The following RBFOX1 variants were observed in gnomAD, a reference collection of about 807,000 sequenced individuals.
The protein encoded by RBFOX1 is RNA binding fox-1 homolog 1.
RBFOX1 carries 8 observed loss-of-function variants against 57.7 expected under a neutral mutation model. That is an observed-to-expected ratio of 0.14 (90% CI 0.08 to 0.25). The LOEUF (loss-of-function observed/expected upper bound fraction) is 0.25. Among genes scored for constraint, RBFOX1 ranks in the 10% least tolerant of loss-of-function variants. The pLI is 1.00. For synonymous variants in RBFOX1, 326 were observed against 222.4 expected (o/e 1.47, Z -4.15); for missense variants, 611 against 548.5 (o/e 1.11, Z -1.14).
At chr16:5,423,824 C>T (rs1217383573) in intron 1 of RBFOX1, among the ~76,000 whole-genome samples, 1 of 152,162 alleles carries the variant, frequency 6.6e-6, no homozygotes, top group Non-Finnish European at 1.5e-5. Flanking sequence ...ATAAAGGGCT[C>T]TTGTTGTCTT....
At chr16:7,668,045 A>G (rs2069995205) in intron 13 of RBFOX1, among the ~76,000 whole-genome samples, 1 of 152,138 alleles carries the variant, frequency 6.6e-6, no homozygotes, top group South Asian at 2.1e-4. Flanking sequence ...AAGACAAAGG[A>G]GGATACTGTC....
At chr16:6,299,088 T>C (rs948575957) in intron 1 of RBFOX1, among the ~76,000 whole-genome samples, 9 of 152,176 alleles carry the variant, frequency 5.9e-5, no homozygotes, top group African/African-American at 2.2e-4. Flanking sequence ...CCCACAGTCT[T>C]GTTTGCAAGG....
chr16:6,133,058 G>C (rs1010633036), intron 1 of RBFOX1, among the ~76,000 whole-genome samples: 3 of 149,232 alleles, frequency 2.0e-5, no homozygotes, highest in Admixed American at 6.6e-5. Flanking sequence ...TTTTCTGAGA[G>C]ACTGCCTCAA....
chr16:7,143,531 C>T (rs2074283038), intron 4 of RBFOX1, among the ~76,000 whole-genome samples: 1 of 152,034 alleles, frequency 6.6e-6, no homozygotes, highest in South Asian at 2.1e-4. Flanking sequence ...AGCAGAAGCA[C>T]CAATAAAAAT....
At chr16:6,479,453 T>A (rs1301895895) in intron 2 of RBFOX1, among the ~76,000 whole-genome samples, 2 of 151,728 alleles carry the variant, frequency 1.3e-5, no homozygotes, top group Non-Finnish European at 1.5e-5. Context: ...CCCGGCATGG[T>A]GGCACACACC....
intron 2 of RBFOX1, among the ~76,000 whole-genome samples, chr16:6,455,373 CCTG>C (rs1224523783): frequency 2.0e-5 from 3 of 152,120 alleles, no homozygotes; most frequent in South Asian, 2.1e-4. Flanking sequence ...AGATGTCACT[CCTG>C]CTCTGCGGTC....
chr16:6,893,732 C>T (rs1211251196), intron 3 of RBFOX1, among the ~76,000 whole-genome samples: 1 of 152,184 alleles, frequency 6.6e-6, no homozygotes, highest in South Asian at 2.1e-4. Flanking sequence ...GATGAATTTT[C>T]ATTTGCATTT....
At chr16:6,867,612 G>C (rs1567633102) in intron 3 of RBFOX1, among the ~76,000 whole-genome samples, 1 of 152,136 alleles carries the variant, frequency 6.6e-6, no homozygotes, top group South Asian at 2.1e-4. Context: ...CCAGCTACTT[G>C]GGAGGCTCAG....
chr16:5,878,273 C>A (rs2057667801), intron 4 of RBFOX1, among the ~76,000 whole-genome samples: 1 of 152,110 alleles, frequency 6.6e-6, no homozygotes, highest in Non-Finnish European at 1.5e-5. Context: ...GTGAGAACAG[C>A]CAGCAGTTAT....
intron 3 of RBFOX1, among the ~76,000 whole-genome samples, chr16:5,637,821 G>C (rs1250213962): frequency 6.6e-6 from 1 of 152,088 alleles, no homozygotes; most frequent in Non-Finnish European, 1.5e-5. Flanking sequence ...GAGGGCCACA[G>C]GGCTTAGCCC....
chr16:7,113,732 T>A (rs1274482657), intron 4 of RBFOX1, among the ~76,000 whole-genome samples: 2 of 152,196 alleles, frequency 1.3e-5, no homozygotes, highest in Non-Finnish European at 2.9e-5. Flanking sequence ...GGCTGCATAA[T>A]GTCCTATGTT....
chr16:7,604,245 C>G (rs1006327046), intron 9 of RBFOX1, among the ~76,000 whole-genome samples: 3 of 152,106 alleles, frequency 2.0e-5, no homozygotes, highest in Non-Finnish European at 4.4e-5. Context: ...GGTTTTCATT[C>G]CCATCGCAGA....
At chr16:7,294,017 G>C (rs964464849) in intron 4 of RBFOX1, among the ~76,000 whole-genome samples, 1 of 152,152 alleles carries the variant, frequency 6.6e-6, no homozygotes, top group Non-Finnish European at 1.5e-5. Context: ...AAATTTCTGA[G>C]CATTTCTGGG....
chr16:6,526,373 T>A (rs140859405), intron 2 of RBFOX1, among the ~76,000 whole-genome samples: 2 of 152,278 alleles, frequency 1.3e-5, no homozygotes, highest in African/African-American at 4.8e-5. Context: ...AAGGCTCTGT[T>A]GTAATTAGTC....
intron 3 of RBFOX1, among the ~76,000 whole-genome samples, chr16:7,021,917 CTTTCTTTCTTTATTTTCT>C (rs2039282212): frequency 1.4e-5 from 2 of 142,490 alleles, no homozygotes; most frequent in African/African-American, 2.7e-5. Flanking sequence ...TCTTTCTTTT[CTTTCTTTCTTTATTTTCT>C]TTTCTTTCTT....
At position 5,286,345 on chromosome 16, in the gene RBFOX1, C is replaced by G. The variant is rs552240870; in HGVS notation, c.219+46240C>G. On this transcript the variant is annotated intron_variant, in intron 1 of 2. Coordinates refer to the RBFOX1 transcript ENST00000585867. The stretch of plus-strand genomic sequence containing the variant: ...GGTGGTGTGTGTGGCATTCTGATCT[C>G]TAGTTCTCCAGGTGATGTGTGCAGG... Among the ~76,000 whole-genome samples the G allele has an allele frequency of 4.6e-5, 7 of 152,076 alleles. No homozygotes were observed. The East Asian group carries it at 7.7e-4, about 17-fold the overall frequency.
rs563437298 is a variant in RBFOX1, at chr16:6,817,597, TC to T, written c.-16+162948del. ...GGCGCATGCGTGTAATTGCAGCTAC[TC>T]GGGAGGCTGAGGCAAGAGAATCACT... On this transcript the variant is annotated intron_variant, in intron 3 of 15. Coordinates refer to ENST00000550418, the MANE Select transcript of RBFOX1 (RefSeq NM_018723.4). Among the ~76,000 whole-genome samples the T allele has an allele frequency of 6.0e-5, 9 of 149,676 alleles. No homozygotes were observed. In the East Asian group the frequency reaches 1.8e-3, roughly 29 times the overall value.
At chr16:7,205,660 C>A (rs960001859) in intron 4 of RBFOX1, among the ~76,000 whole-genome samples, 1 of 152,196 alleles carries the variant, frequency 6.6e-6, no homozygotes, top group Non-Finnish European at 1.5e-5. Context: ...AAATTCCATG[C>A]CTTCTTGGTC....
At chr16:5,770,284 A>G (rs1228579577) in intron 3 of RBFOX1, among the ~76,000 whole-genome samples, 1 of 152,202 alleles carries the variant, frequency 6.6e-6, no homozygotes, top group East Asian at 1.9e-4. Context: ...TACAACCAAG[A>G]TGGTGATGAA....
Sources: allele counts gnomAD v4.1 joint callset (sites outside exome capture counted in the v4.1 genomes callset), GRCh38; gene constraint gnomAD v4.1.1; transcripts MANE v1.5; gene names NCBI Gene and HGNC (gene_info 2026-07-23, HGNC 2026-07-21).